The following PTCD1 variants were observed in gnomAD, a reference collection of about 807,000 sequenced individuals.
PTCD1 encodes the protein pentatricopeptide repeat-containing protein 1, mitochondrial.
PTCD1 carries 50 observed loss-of-function variants against 53.4 expected under a neutral mutation model. The observed-to-expected ratio is 0.94, with a 90% CI of 0.75 to 1.19. PTCD1 has a LOEUF of 1.19. Among genes scored for constraint, PTCD1 ranks in the 50% most tolerant of loss-of-function variants. PTCD1 has a pLI of 0.00. For synonymous variants in PTCD1, 413 were observed against 394.8 expected (o/e 1.05, Z -0.55); for missense variants, 918 against 904.8 (o/e 1.01, Z -0.19).
chr7:99,438,737 T>G lies in PTCD1; in HGVS notation c.-72A>C. ...CACTCCGACGGGGAGCCCTGCCCGG[T>G]CCCCGCGGCGAACCAGTCTCTTCCT... On this transcript the variant is annotated 5_prime_UTR_variant, in exon 1 of 8. Transcript: ENST00000292478. The G allele has an allele frequency of 7.6e-7, 1 of 1,310,898 alleles. No individual in the cohort carries two copies. Among genetic ancestry groups the G allele is most frequent in the African/African-American group, 1.5e-5 (1 of 66,228 alleles). 81.2% of individuals were successfully genotyped at this position (1,310,898 alleles called of 1,614,324 possible). A position where few individuals can be genotyped will look rare whatever the true frequency, so the allele number is the denominator to read the frequency against.
Position 99,429,733 on chromosome 7 carries a change from C to T in PTCD1, c.668G>A (p.Trp223Ter), listed in dbSNP as rs1439427148. Residue 223 changes from tryptophan to a stop codon, truncating the protein, a stop_gained, in exon 4 of 8, where the codon TGG (tryptophan) becomes TAG (stop). Transcript: ENST00000292478. LOFTEE classifies it high-confidence loss of function. ...GGCGCTCTGTAGAGCTGAGTCCTTC[C>T]AGGGGGACTCGGCACAGACGTTGAA... ...ALFNVCAESP[W>*]KDSALQSALK... The T allele has an allele frequency of 1.5e-5, 25 of 1,614,200 alleles. No individual in the cohort carries two copies. Among genetic ancestry groups the T allele is most frequent in the Non-Finnish European group, 1.9e-5 (23 of 1,180,038 alleles).
intron 3 of PTCD1, among the ~76,000 whole-genome samples, chr7:99,431,572 C>T (rs569396656): frequency 2.0e-5 from 3 of 152,032 alleles, no homozygotes; most frequent in East Asian, 2.0e-4. Flanking sequence ...GCTGTCTCTA[C>T]TAAAAATACA....
At chr7:99,435,511 C>T (rs1037912274) in intron 1 of PTCD1, among the ~76,000 whole-genome samples, 2 of 151,954 alleles carry the variant, frequency 1.3e-5, no homozygotes, top group African/African-American at 2.4e-5. Flanking sequence ...TGGTGCTGTG[C>T]GCCTGTAATC....
At chr7:99,420,589 A>T (rs1584449583) in intron 7 of PTCD1, among the ~76,000 whole-genome samples, 1 of 152,358 alleles carries the variant, frequency 6.6e-6, no homozygotes, top group East Asian at 1.9e-4. Context: ...ACCAGACACA[A>T]ACTGAGAGCT....
rs748831714 is a variant in PTCD1, at chr7:99,435,316, CA to C, written c.-26-49del. 11 of 1,593,368 alleles carry C rather than the reference CA, an allele frequency of 6.9e-6. No homozygotes were observed. The South Asian group carries it at 1.2e-4, about 18-fold the overall frequency. The stretch of plus-strand genomic sequence containing the variant: ...AGAGAGTCAACTCAGTTCCTAGTAA[CA>C]AAAGGCAGAAAGAAAGAAGTGGTTA... On this transcript the variant is annotated intron_variant, in intron 1 of 7. Transcript: ENST00000292478.
rs769406034 is a variant in PTCD1 at position 99,423,776 on chromosome 7, C to G, written c.1919G>C (p.Arg640Pro). The change falls in exon 7 of 8, where the codon CGG (arginine) becomes CCG (proline). Residue 640 changes from arginine (R) to proline (P), a missense_variant and splice_region_variant. Transcript: ENST00000292478. ...FAAQYPPTFD[R>P]YQGKNTYLEK... ...AGCTTTTGAGCTTGGGGCACACACC[C>G]GGTCAAAGGTGGGAGGGTACTGGGC... The G allele has an allele frequency of 4.3e-6, 7 of 1,613,926 alleles. No homozygotes were observed. Among genetic ancestry groups the G allele is most frequent in the South Asian group, 3.3e-5 (3 of 91,056 alleles).
At position 99,420,113 on chromosome 7, in the gene PTCD1, C is replaced by T. The variant is rs540277790; in HGVS notation, c.1957G>A (p.Gly653Ser). The change falls in exon 8 of 8, where the codon GGC becomes AGC. Residue 653 changes from glycine to serine, a missense_variant. Coordinates refer to ENST00000292478, the MANE Select transcript of PTCD1 (RefSeq NM_015545.4). ...CACTGCTTGTAATAGGCTCGGAAGC[C>T]GTCAATCTTCTCCAGGTAGGTGTTC... ...GKNTYLEKID[G>S]FRAYYKQWLT... The T allele has an allele frequency of 1.9e-5, 31 of 1,614,160 alleles. No individual in the cohort carries two copies. The highest frequency in any genetic ancestry group is 8.9e-5 in the East Asian group (4 of 44,876).
At chr7:99,426,197 G>T (rs1032502351) in intron 5 of PTCD1, among the ~76,000 whole-genome samples, 2 of 76,116 alleles carry the variant, frequency 2.6e-5, no homozygotes, top group African/African-American at 4.1e-4. Flanking sequence ...CTCTCCCCAC[G>T]GTCTCCCTCT....
chr7:99,434,507 CTTTT>C (rs769483583), intron 2 of PTCD1, among the ~76,000 whole-genome samples: 1 of 140,282 alleles, frequency 7.1e-6, no homozygotes, highest in African/African-American at 2.6e-5. Flanking sequence ...TTTCTTTTTC[CTTTT>C]TTTTTTTTTG....
chr7:99,428,148 T>C (rs1796124814), intron 5 of PTCD1, among the ~76,000 whole-genome samples: 1 of 149,978 alleles, frequency 6.7e-6, no homozygotes, highest in African/African-American at 2.5e-5. Context: ...ACGCCTGTAA[T>C]ACTAGCATTT....
chr7:99,417,807 A>T lies in PTCD1; in HGVS notation c.*2160T>A. Reference sequence around the variant, plus strand: ...GTTTGTTAGGTCTGGGGTCAATCTCAACTCCACTTTTGGGCAAATTACTGA... The same window carrying T: ...GTTTGTTAGGTCTGGGGTCAATCTCTACTCCACTTTTGGGCAAATTACTGA... On this transcript the variant is annotated 3_prime_UTR_variant, in exon 8 of 8. Transcript: ENST00000292478. 1 of 1,508,842 alleles carries T rather than the reference A, an allele frequency of 6.6e-7. No individual in the cohort carries two copies. 93.5% of individuals were successfully genotyped at this position (1,508,842 alleles called of 1,614,324 possible).
chr7:99,424,703 T>TG (rs1795950316), intron 6 of PTCD1, 92 bp downstream of exon 6: 3 of 1,503,666 alleles, frequency 2.0e-6, no homozygotes, highest in East Asian at 2.4e-5. Context: ...CCTCTCCAGG[T>TG]GGGGGGTCTG....
Position 99,419,710 on chromosome 7 carries a change from G to A in PTCD1, c.*257C>T, listed in dbSNP as rs1220422886. The A allele has an allele frequency of 1.6e-5, 11 of 700,976 alleles. No homozygotes were observed. The highest frequency in any genetic ancestry group is 1.1e-4 in the Admixed American group (4 of 34,788). 43.4% of individuals were successfully genotyped at this position (700,976 alleles called of 1,614,324 possible). On this transcript the variant is annotated 3_prime_UTR_variant, in exon 8 of 8. Transcript: ENST00000292478. ...AGATGCCCCAGCCCCCTTGTGGTGT[G>A]TGAGGTGACACACAAAGGTAGCTGG...
chr7:99,426,095 G>A (rs1467539607), intron 5 of PTCD1, among the ~76,000 whole-genome samples: 7 of 149,880 alleles, frequency 4.7e-5, no homozygotes, highest in Non-Finnish European at 8.9e-5. Flanking sequence ...AAAATTGGCC[G>A]GGCCTCTCCC....
In PTCD1 at chr7:99,419,851, G is replaced by A; in HGVS notation, c.*116C>T. The A allele has an allele frequency of 6.4e-7, 1 of 1,552,578 alleles. No homozygotes were observed. The highest frequency in any genetic ancestry group is 8.8e-7 in the Non-Finnish European group (1 of 1,140,410). ...TCCTCACCAACACCTGTGACACGCTGCGGCTGTTCCTCAGGGCCTGGCTCT... is the reference window on the plus strand; with the variant it reads ...TCCTCACCAACACCTGTGACACGCTACGGCTGTTCCTCAGGGCCTGGCTCT... On this transcript the variant is annotated 3_prime_UTR_variant, in exon 8 of 8. Coordinates refer to ENST00000292478, the MANE Select transcript of PTCD1 (RefSeq NM_015545.4).
chr7:99,424,150 A>C, intron 6 of PTCD1, among the ~76,000 whole-genome samples, 193 bp from the exon 7 acceptor site: 1 of 152,120 alleles, frequency 6.6e-6, no homozygotes, highest in Non-Finnish European at 1.5e-5. Context: ...AGCCCTAAAG[A>C]AGCTGCGGAA....
At chr7:99,435,655 GAA>G (rs1796434919) in intron 1 of PTCD1, among the ~76,000 whole-genome samples, 1 of 143,188 alleles carries the variant, frequency 7.0e-6, no homozygotes, top group African/African-American at 2.6e-5. Context: ...AAAAAGAAAA[GAA>G]AGAAAGAAAA....
chr7:99,430,900 C>T (rs1306599840), intron 3 of PTCD1, among the ~76,000 whole-genome samples: 3 of 152,116 alleles, frequency 2.0e-5, no homozygotes, highest in Admixed American at 6.5e-5. Flanking sequence ...GGCGAAACCC[C>T]GTCTTCTACA....
intron 7 of PTCD1, among the ~76,000 whole-genome samples, chr7:99,423,162 G>A (rs1443855691): frequency 6.6e-6 from 1 of 151,606 alleles, no homozygotes; most frequent in East Asian, 1.9e-4. Context: ...CAAATCTCAG[G>A]TATTCACCCC....
Sources: allele counts gnomAD v4.1 joint callset (sites outside exome capture counted in the v4.1 genomes callset), GRCh38; gene constraint gnomAD v4.1.1; transcripts MANE v1.5; gene names NCBI Gene and HGNC (gene_info 2026-07-23, HGNC 2026-07-21).